Variants in EPB41L2 observed in about 807,000 individuals in gnomAD.
EPB41L2 encodes the protein band 4.1-like protein 2.
In EPB41L2, 43 loss-of-function variants were observed where a neutral mutation model predicts 113.0. The observed-to-expected ratio is 0.38, with a 90% CI of 0.30 to 0.49. The LOEUF is 0.49. EPB41L2 is among the 20% of genes least tolerant of loss of function. EPB41L2 has a pLI of 0.95. For synonymous variants in EPB41L2, 442 were observed against 436.7 expected, an observed-to-expected ratio of 1.01 and a Z score of -0.15; for missense variants, 1,147 against 1,223.4, an observed-to-expected ratio of 0.94 and a Z score of 0.93.
intron 12 of EPB41L2, chr6:130,880,764 T>G (rs1789062605): frequency 5.3e-6 from 2 of 374,476 alleles, no homozygotes. Context: ...TTTTGAATAT[T>G]TTGTACTCAG....
chr6:130,894,241 A>G (rs1793871760), intron 10 of EPB41L2, 103 bp downstream of exon 10: 2 of 892,402 alleles, frequency 2.2e-6, no homozygotes, highest in East Asian at 4.9e-5. Flanking sequence ...GCTGGTCTCA[A>G]ACTCCTGGGG....
chr6:130,977,719 G>A (rs570631667), intron 1 of EPB41L2, among the ~76,000 whole-genome samples: 11 of 152,210 alleles, frequency 7.2e-5, no homozygotes, highest in Admixed American at 3.3e-4. Flanking sequence ...AACATCAAAC[G>A]TCCTCAAACA....
chr6:130,907,078 C>CA (rs897643724), intron 5 of EPB41L2, among the ~76,000 whole-genome samples: 43 of 146,438 alleles, frequency 2.9e-4, no homozygotes, highest in African/African-American at 6.0e-4. Flanking sequence ...GAGAGTGGCA[C>CA]AAAAAAAAAA....
At chr6:131,045,727 T>C (rs1795314785) in intron 1 of EPB41L2, among the ~76,000 whole-genome samples, 1 of 152,226 alleles carries the variant, frequency 6.6e-6, no homozygotes. Context: ...TCGGTTTCCC[T>C]ATAAACTTCT....
At chr6:130,995,850 C>T (rs909855516) in intron 1 of EPB41L2, among the ~76,000 whole-genome samples, 3 of 152,176 alleles carry the variant, frequency 2.0e-5, no homozygotes, top group Non-Finnish European at 2.9e-5. Context: ...TATTTTGGAA[C>T]GCTGTCATAT....
At chr6:130,909,399 G>A (rs1267498985) in intron 4 of EPB41L2, among the ~76,000 whole-genome samples, 1 of 152,156 alleles carries the variant, frequency 6.6e-6, no homozygotes. Flanking sequence ...AGGTCAGGTT[G>A]GAGACAATAT....
intron 5 of EPB41L2, among the ~76,000 whole-genome samples, chr6:130,906,280 A>T (rs903455084): frequency 6.6e-6 from 1 of 152,188 alleles, no homozygotes; most frequent in African/African-American, 2.4e-5. Flanking sequence ...TATACTTCCA[A>T]ATCTAAAAGC....
intron 1 of EPB41L2, among the ~76,000 whole-genome samples, chr6:130,998,542 G>A (rs548785408): frequency 6.6e-6 from 1 of 152,260 alleles, no homozygotes; most frequent in South Asian, 2.1e-4. Context: ...ACTGGATGGG[G>A]AAAGATGATA....
chr6:130,955,959 G>T, intron 2 of EPB41L2, 35 bp downstream of exon 2: 1 of 1,584,182 alleles, frequency 6.3e-7, no homozygotes, highest in East Asian at 2.2e-5. Context: ...TACGCTATCA[G>T]GTTTTCATTT....
At chr6:131,022,127 A>G (rs571496599) in intron 1 of EPB41L2, among the ~76,000 whole-genome samples, 4 of 152,100 alleles carry the variant, frequency 2.6e-5, no homozygotes, top group Admixed American at 2.0e-4. Flanking sequence ...GTGATGGGAG[A>G]CCGTTACTGA....
intron 4 of EPB41L2, among the ~76,000 whole-genome samples, chr6:130,925,113 T>C (rs1804206953): frequency 6.6e-6 from 1 of 151,892 alleles, no homozygotes; most frequent in African/African-American, 2.4e-5. Context: ...CAGTATATCC[T>C]ACTATCTAAA....
At chr6:130,858,327 C>T in intron 18 of EPB41L2, 84 bp from the exon 19 acceptor site, 1 of 1,065,718 alleles carries the variant, frequency 9.4e-7, no homozygotes. Context: ...CACTGATCAC[C>T]TCGGACCCAA....
At chr6:130,944,798 T>C (rs1282800588) in intron 3 of EPB41L2, among the ~76,000 whole-genome samples, 6 of 152,118 alleles carry the variant, frequency 3.9e-5, no homozygotes, top group African/African-American at 1.2e-4. Flanking sequence ...CCTGAGGTTA[T>C]ACGTGACCAA....
At chr6:130,901,290 G>A in intron 6 of EPB41L2, 110 bp from the exon 7 acceptor site, 2 of 858,050 alleles carry the variant, frequency 2.3e-6, no homozygotes, top group Admixed American at 5.2e-5. Context: ...TACAATATAG[G>A]CACTCTTCAT....
intron 3 of EPB41L2, among the ~76,000 whole-genome samples, chr6:130,927,360 T>C (rs537195462): frequency 6.6e-6 from 1 of 152,252 alleles, no homozygotes; most frequent in South Asian, 2.1e-4. Flanking sequence ...TTTAAGAAGC[T>C]GCTGTGAACA....
chr6:130,845,225 CA>C (rs1365386541), intron 19 of EPB41L2, among the ~76,000 whole-genome samples: 1 of 152,188 alleles, frequency 6.6e-6, no homozygotes, highest in African/African-American at 2.4e-5. Flanking sequence ...ACCATAGAGT[CA>C]AAACTGTTTT....
intron 3 of EPB41L2, among the ~76,000 whole-genome samples, chr6:130,950,451 A>T (rs1379776892): frequency 6.6e-6 from 1 of 152,196 alleles, no homozygotes; most frequent in Admixed American, 6.5e-5. Flanking sequence ...GAAATGGACA[A>T]TCTCTACCAA....
At chr6:130,999,752 T>C (rs1235307318) in intron 1 of EPB41L2, among the ~76,000 whole-genome samples, 1 of 152,190 alleles carries the variant, frequency 6.6e-6, no homozygotes, top group Non-Finnish European at 1.5e-5. Flanking sequence ...ATCATATTAA[T>C]TTTAGATCTG....
At chr6:130,861,595 G>A (rs190245208) in intron 18 of EPB41L2, among the ~76,000 whole-genome samples, 1 of 152,296 alleles carries the variant, frequency 6.6e-6, no homozygotes, top group East Asian at 1.9e-4. Flanking sequence ...ATGTTGGCCA[G>A]GTGTGGTAGC....
Sources: gnomAD v4.1 joint callset for allele counts (sites outside exome capture counted in the v4.1 genomes callset) on GRCh38, gnomAD v4.1.1 for gene constraint, MANE v1.5 for transcripts, NCBI Gene and HGNC (gene_info 2026-07-23, HGNC 2026-07-21) for gene names.